MAL2: variants seen among roughly 807,000 people sequenced by gnomAD.
MAL2 encodes the protein protein MAL2.
MAL2 carries 17 observed loss-of-function variants against 18.1 expected under a neutral mutation model. The ratio of observed to expected loss-of-function variants is 0.94; its 90% confidence interval spans 0.64 to 1.41. MAL2 has a LOEUF of 1.41. Among genes scored for constraint, MAL2 ranks in the 40% most tolerant of loss-of-function variants. The probability of loss-of-function intolerance (pLI) is 0.00; values close to 1 mark genes in which losing one functional copy is unlikely to be tolerated. For missense variants in MAL2, 222 were observed against 231.9 expected (o/e 0.96, Z 0.28); for synonymous variants, 102 against 102.3 (o/e 1.00, Z 0.02).
At chr8:119,214,019 A>G (rs1154819) in intron 1 of MAL2, among the ~76,000 whole-genome samples, 145,161 of 152,252 alleles carry the variant, frequency 0.95, 69,284 homozygotes, top group East Asian at 1. Flanking sequence ...AAAAAGTCAT[A>G]GAGAAGAGAT....
At chr8:119,242,686 G>C (rs1052024639) in intron 3 of MAL2, among the ~76,000 whole-genome samples, 4 of 152,106 alleles carry the variant, frequency 2.6e-5, no homozygotes, top group African/African-American at 9.7e-5. Flanking sequence ...TTCCTTCCCA[G>C]AACTGGTTTC....
rs749489440 is a variant in MAL2 at position 119,240,152 on chromosome 8, TCTC to T, written c.304-9_304-7del. On this transcript the variant is annotated splice_polypyrimidine_tract_variant and intron_variant, in intron 2 of 3. Coordinates refer to ENST00000614891, the MANE Select transcript of MAL2 (RefSeq NM_052886.3). ...TTTTTTTAATTGCAGATGTCTTTTC[TCTC>T]CTCTTTTAGGATTTTGCCTACCATT... 54 of 1,611,230 alleles carry T rather than the reference TCTC, an allele frequency of 3.4e-5. No individual in the cohort carries two copies. The African/African-American group carries it at 6.1e-4, about 18-fold the overall frequency.
chr8:119,240,071 T>A lies in MAL2; in HGVS notation c.304-94T>A, dbSNP rs188835092. The A allele has an allele frequency of 1.5e-5, 20 of 1,297,176 alleles. No individual in the cohort carries two copies. The East Asian group carries it at 4.8e-4, about 31-fold the overall frequency. 80.4% of individuals were successfully genotyped at this position (1,297,176 alleles called of 1,614,324 possible). On this transcript the variant is annotated intron_variant, in intron 2 of 3. Coordinates refer to ENST00000614891, the MANE Select transcript of MAL2 (RefSeq NM_052886.3). ...ATAGTTAAGATTGTTTAATTAAATG[T>A]TTTGATCTTGCTAAACCTAAACTTC...
At chr8:119,232,310 G>T (rs1446719408) in intron 2 of MAL2, among the ~76,000 whole-genome samples, 1 of 152,042 alleles carries the variant, frequency 6.6e-6, no homozygotes, top group African/African-American at 2.4e-5. Context: ...GTTAATATTT[G>T]TCTGGCTTCA....
At chr8:119,228,453 A>G (rs1239613494) in intron 2 of MAL2, among the ~76,000 whole-genome samples, 1 of 151,066 alleles carries the variant, frequency 6.6e-6, no homozygotes, top group African/African-American at 2.4e-5. Context: ...GGACACAATA[A>G]CATGTAGGAA....
At chr8:119,242,108 G>A (rs1348270418) in intron 3 of MAL2, among the ~76,000 whole-genome samples, 1 of 152,144 alleles carries the variant, frequency 6.6e-6, no homozygotes, top group Non-Finnish European at 1.5e-5. Context: ...TTTTAACGGT[G>A]CAGGCTAGAT....
At position 119,208,477 on chromosome 8, in the gene MAL2, C is replaced by A; in HGVS notation, c.5C>A (p.Ser2Ter). 1.6e-6 allele frequency: 2 copies of A among 1,266,092 alleles called. No homozygotes were observed. Among genetic ancestry groups the A allele is most frequent in the Non-Finnish European group, 2.0e-6 (2 of 1,005,372 alleles). 78.4% of individuals were successfully genotyped at this position (1,266,092 alleles called of 1,614,324 possible). ...CGCAGCAGCGGCAGCGGCAGCATGTCGGCCGGCGGAGCGTCAGTCCCGCCG... is the reference window on the plus strand; with the variant it reads ...CGCAGCAGCGGCAGCGGCAGCATGTAGGCCGGCGGAGCGTCAGTCCCGCCG... M[S>*]AGGASVPPPP... is the part of the protein sequence containing the mutation. Residue 2 changes from serine (S) to a stop codon, truncating the protein, a stop_gained, in exon 1 of 4, where the codon TCG (serine) becomes TAG (stop). Coordinates refer to ENST00000614891, the MANE Select transcript of MAL2 (RefSeq NM_052886.3). LOFTEE classifies it high-confidence loss of function. This position sits in a 1 kb window ranked among gnomAD's most constrained non-coding sequence, Gnocchi z 4.3.
At chr8:119,217,671 T>A (rs1817379765) in intron 1 of MAL2, among the ~76,000 whole-genome samples, 1 of 152,136 alleles carries the variant, frequency 6.6e-6, no homozygotes, top group African/African-American at 2.4e-5. Flanking sequence ...GGGCGAAACA[T>A]ATAATAGTTC....
chr8:119,225,647 G>C (rs527986600), intron 2 of MAL2, among the ~76,000 whole-genome samples: 3 of 152,328 alleles, frequency 2.0e-5, no homozygotes, highest in Non-Finnish European at 4.4e-5. Context: ...TAATGGGATG[G>C]CTGGGTCAAA....
At chr8:119,225,696 C>T (rs1031846531) in intron 2 of MAL2, among the ~76,000 whole-genome samples, 5 of 152,196 alleles carry the variant, frequency 3.3e-5, no homozygotes, top group African/African-American at 1.2e-4. Context: ...AATCGCCACA[C>T]TGACTTCCAC....
chr8:119,221,628 T>A lies in MAL2; in HGVS notation c.174T>A (p.Asn58Lys). 6.2e-7 allele frequency: 1 copy of A among 1,613,960 alleles called. No homozygotes were observed. The highest frequency in any genetic ancestry group is 8.5e-7 in the Non-Finnish European group (1 of 1,179,834). ...GLVWILVASS[N>K]VPLPLLQGWV... The stretch of plus-strand genomic sequence containing the variant: ...TCTGGATTTTGGTTGCCTCCTCCAA[T>A]GTTCCTCTACCTCTACTACAAGGAT... The change falls in exon 2 of 4, where the codon AAT (asparagine) becomes AAA (lysine). Residue 58 changes from asparagine to lysine, a missense_variant. Physicochemically the swap from Asn to Lys is moderately conservative, Grantham distance 94. Transcript: ENST00000614891.
chr8:119,227,175 AATGTT>A (rs1235573880), intron 2 of MAL2, among the ~76,000 whole-genome samples: 2 of 152,222 alleles, frequency 1.3e-5, no homozygotes, highest in Non-Finnish European at 2.9e-5. Flanking sequence ...TGCATTAATT[AATGTT>A]ATGTTAGTAG....
At chr8:119,241,127 G>A (rs1327727739) in intron 3 of MAL2, among the ~76,000 whole-genome samples, 1 of 152,160 alleles carries the variant, frequency 6.6e-6, no homozygotes, top group Non-Finnish European at 1.5e-5. Context: ...ATTGAAATCT[G>A]TCTGGAGCAG....
At chr8:119,231,400 T>C (rs1386962655) in intron 2 of MAL2, among the ~76,000 whole-genome samples, 2 of 152,198 alleles carry the variant, frequency 1.3e-5, no homozygotes, top group South Asian at 2.1e-4. Context: ...AGTGCAATGC[T>C]CTCCTTTGTA....
chr8:119,214,351 A>C (rs1817311168), intron 1 of MAL2, among the ~76,000 whole-genome samples: 2 of 152,332 alleles, frequency 1.3e-5, no homozygotes, highest in South Asian at 4.1e-4. Flanking sequence ...CTTTAACTTG[A>C]ATTTCCTAAG....
In MAL2 at chr8:119,221,735, T is replaced by C; in HGVS notation, c.281T>C (p.Ile94Thr). 1 of 1,613,846 alleles carries C rather than the reference T, an allele frequency of 6.2e-7. No individual in the cohort carries two copies. The highest frequency in any genetic ancestry group is 8.5e-7 in the Non-Finnish European group (1 of 1,179,800). Residue 94 changes from isoleucine to threonine, a missense_variant, in exon 2 of 4, where the codon ATT becomes ACT. Physicochemically the swap from Ile to Thr is moderately conservative, Grantham distance 89. Coordinates refer to ENST00000614891, the MANE Select transcript of MAL2 (RefSeq NM_052886.3). ...TTCCTCTCTGGCATGGTGGCTCAAA[T>C]TGATGCTAACTGGAACTTCCTGGTA... ...GMFLSGMVAQIDANWNFLDFA... is the reference protein window; with the variant it reads ...GMFLSGMVAQTDANWNFLDFA...
chr8:119,212,368 T>C (rs572137041), intron 1 of MAL2, among the ~76,000 whole-genome samples: 1 of 152,376 alleles, frequency 6.6e-6, no homozygotes, highest in Non-Finnish European at 1.5e-5. Context: ...TTGTGGGAGA[T>C]ACTCTAGGAT....
rs550922193 is a variant in MAL2 at position 119,234,148 on chromosome 8, A to G, written c.304-6017A>G. 4.3e-4 allele frequency among the ~76,000 whole-genome samples: 66 copies of G among 152,322 alleles called. 1 individual carries two copies. Among genetic ancestry groups the G allele is most frequent in the African/African-American group, 1.4e-3 (59 of 41,570 alleles). On this transcript the variant is annotated intron_variant, in intron 2 of 3. Transcript: ENST00000614891. ...AGGGCGAGGCATTGCCTCACTTGGG[A>G]AGCGCAAGGGGTCAGAGAGTTCCCT...
chr8:119,238,887 C>T (rs1381616664), intron 2 of MAL2, among the ~76,000 whole-genome samples: 2 of 151,782 alleles, frequency 1.3e-5, no homozygotes, highest in African/African-American at 2.4e-5. Flanking sequence ...ATGTCTAAAA[C>T]ACCAAAAGCA....
Sources: allele counts gnomAD v4.1 joint callset (sites outside exome capture counted in the v4.1 genomes callset), GRCh38; gene constraint gnomAD v4.1.1; non-coding constraint Gnocchi (gnomAD v3.1); transcripts MANE v1.5; gene names NCBI Gene and HGNC (gene_info 2026-07-23, HGNC 2026-07-21).